PKHD1: variants seen among roughly 807,000 people sequenced by gnomAD.
PKHD1 encodes the protein fibrocystin.
In PKHD1, 291 loss-of-function variants were observed where a neutral mutation model predicts 412.0. The observed-to-expected ratio is 0.71, with a 90% CI of 0.64 to 0.78. The LOEUF is 0.78. PKHD1 is among the 30% of genes least tolerant of loss of function. The probability of loss-of-function intolerance (pLI) is 0.00; values close to 1 mark genes in which losing one functional copy is unlikely to be tolerated. For synonymous variants in PKHD1, 1,777 were observed against 1,821.5 expected (o/e 0.98, Z 0.62); for missense variants, 4,825 against 4,950.7 (o/e 0.97, Z 0.76).
chr6:51,903,569 G>C, intron 43 of PKHD1, 28 bp downstream of exon 43: 1 of 1,601,774 alleles, frequency 6.2e-7, no homozygotes, highest in Non-Finnish European at 8.5e-7. Context: ...CTCAGTTCTG[G>C]TCTTCCTGGT....
rs781485593 is a variant in PKHD1, at chr6:52,082,465, G to A, written c.208C>T (p.Pro70Ser). The change falls in exon 4 of 67, where the codon CCC (proline) becomes TCC (serine). Residue 70 changes from proline (P) to serine (S), a missense_variant. Pro to Ser is a moderately conservative substitution (Grantham distance 74). Coordinates refer to ENST00000371117, the MANE Select transcript of PKHD1 (RefSeq NM_138694.4). ...IHLVNVNMVV[P>S]ALRSVPCDVF... ...TCACAGGGAACACTCCGCAGTGCGG[G>A]CACCACCATGTTCACGTTCACCAGG... 4.3e-6 allele frequency: 7 copies of A among 1,613,974 alleles called. No individual in the cohort carries two copies. The Admixed American group carries it at 1.0e-4, about 23-fold the overall frequency.
At chr6:51,859,975 C>G (rs894867389) in intron 48 of PKHD1, among the ~76,000 whole-genome samples, 10 of 152,142 alleles carry the variant, frequency 6.6e-5, no homozygotes, top group Non-Finnish European at 1.5e-4. Context: ...CACTGTGATC[C>G]TAAATTACTT....
At chr6:51,690,271 C>CAAAAAAAAAAAA (rs70977310) in intron 60 of PKHD1, among the ~76,000 whole-genome samples, 7 of 109,918 alleles carry the variant, frequency 6.4e-5, no homozygotes, top group Non-Finnish European at 1.3e-4. Context: ...GACTCCATCT[C>CAAAAAAAAAAAA]AAAAAAAAAA....
At chr6:51,670,162 T>C (rs946854470) in intron 60 of PKHD1, among the ~76,000 whole-genome samples, 10 of 148,298 alleles carry the variant, frequency 6.7e-5, no homozygotes, top group African/African-American at 2.5e-4. Flanking sequence ...AAGTCTCCCA[T>C]TATTAATGTG....
chr6:51,711,870 C>T (rs907205875), intron 60 of PKHD1, among the ~76,000 whole-genome samples: 1 of 152,180 alleles, frequency 6.6e-6, no homozygotes. Flanking sequence ...AAATATGAGG[C>T]ATCTCCTACC....
chr6:51,746,542 T>C (rs1314118982), intron 59 of PKHD1, among the ~76,000 whole-genome samples, 179 bp downstream of exon 59: 2 of 152,106 alleles, frequency 1.3e-5, no homozygotes, highest in Non-Finnish European at 2.9e-5. Flanking sequence ...AAATCATATA[T>C]CACAAGGCGT....
chr6:52,014,788 T>A (rs1038705445), intron 34 of PKHD1, among the ~76,000 whole-genome samples: 1 of 57,916 alleles, frequency 1.7e-5, no homozygotes, highest in Non-Finnish European at 3.6e-5. Context: ...GATGGATGGA[T>A]CATGGATGGA....
intron 53 of PKHD1, among the ~76,000 whole-genome samples, chr6:51,777,949 T>C (rs1791337695): frequency 6.6e-6 from 1 of 152,088 alleles, no homozygotes; most frequent in Non-Finnish European, 1.5e-5. Flanking sequence ...GCTTCCTTTT[T>C]GTAACTGAGA....
chr6:51,950,261 G>A (rs1318539620), intron 36 of PKHD1, among the ~76,000 whole-genome samples: 1 of 134,428 alleles, frequency 7.4e-6, no homozygotes, highest in South Asian at 2.5e-4. Context: ...CACTGACTCA[G>A]AGCTGCAAAC....
In PKHD1 at chr6:52,017,552, C is replaced by T; in HGVS notation, c.5458G>A (p.Asp1820Asn). The T allele has an allele frequency of 6.2e-7, 1 of 1,614,144 alleles. No individual in the cohort carries two copies. Among genetic ancestry groups the T allele is most frequent in the South Asian group, 1.1e-5 (1 of 91,076 alleles). ...TCTGTCGCCATGGCAACTGTCAAAT[C>T]ACACTGCACATAGGTGTGTCTGGCA... ...EAARHTYVQCDLTVAMATEQL... is the reference protein window; with the variant it reads ...EAARHTYVQCNLTVAMATEQL... The change falls in exon 34 of 67, where the codon GAT becomes AAT. Residue 1820 changes from aspartate to asparagine, a missense_variant. Physicochemically the swap from Asp to Asn is conservative, Grantham distance 23. Transcript: ENST00000371117.
intron 52 of PKHD1, among the ~76,000 whole-genome samples, chr6:51,825,050 G>A (rs1767090854): frequency 6.6e-6 from 1 of 152,162 alleles, no homozygotes; most frequent in Non-Finnish European, 1.5e-5. Flanking sequence ...ATTCATGCAA[G>A]CCAACAGAGT....
At chr6:52,082,324 C>G in intron 4 of PKHD1, 68 bp downstream of exon 4, 1 of 1,530,644 alleles carries the variant, frequency 6.5e-7, no homozygotes, top group Non-Finnish European at 9.0e-7. Flanking sequence ...TAATATGTCA[C>G]CAAAAGATAC....
rs1562073392 is a variant in PKHD1 at position 51,989,956 on chromosome 6, GAAAGA to G, written c.5751+20348_5751+20352del. 2.1e-3 allele frequency among the ~76,000 whole-genome samples: 103 copies of G among 48,800 alleles called. 1 individual carries two copies. The highest frequency in any genetic ancestry group is 3.3e-3 in the Non-Finnish European group (73 of 22,456). 32.0% of individuals were successfully genotyped at this position (48,800 alleles called of 152,430 possible). On this transcript the variant is annotated intron_variant, in intron 35 of 66. Coordinates refer to ENST00000371117, the MANE Select transcript of PKHD1 (RefSeq NM_138694.4). ...GGAAAGAAGGAAGGAAGAAAGGAAG[GAAAGA>G]AGGAAGGAAGGAAGGAAGGAAGGGA...
intron 58 of PKHD1, 114 bp from the exon 59 acceptor site, chr6:51,747,003 C>A: frequency 1.5e-6 from 1 of 687,364 alleles, no homozygotes; most frequent in South Asian, 1.9e-5. Flanking sequence ...TTAGTTAAAG[C>A]TATCCAGGAT....
rs560769116 is a variant in PKHD1, at chr6:51,993,850, T to C, written c.5751+16459A>G. On this transcript the variant is annotated intron_variant, in intron 35 of 66. Transcript: ENST00000371117. The stretch of plus-strand genomic sequence containing the variant: ...TAAGATGTTAGACTGAAAAGAAACC[T>C]TCAGAGGTAAGACAGAATCAGACAG... Among the ~76,000 whole-genome samples, 10 of 152,198 alleles carry C rather than the reference T, an allele frequency of 6.6e-5. No individual in the cohort carries two copies. In the East Asian group the frequency reaches 1.7e-3, roughly 27 times the overall value.
chr6:52,031,875 C>G (rs559354897), intron 29 of PKHD1, among the ~76,000 whole-genome samples: 2 of 152,202 alleles, frequency 1.3e-5, no homozygotes, highest in Non-Finnish European at 2.9e-5. Context: ...TATGTATCAA[C>G]AACATAACTT....
intron 52 of PKHD1, among the ~76,000 whole-genome samples, chr6:51,800,958 T>C (rs563503266): frequency 2.5e-4 from 38 of 152,346 alleles, no homozygotes; most frequent in Non-Finnish European, 2.8e-4. Context: ...GGGTTTTTTT[T>C]CTACATTCAG....
intron 46 of PKHD1, among the ~76,000 whole-genome samples, chr6:51,881,075 C>CTTTTTT (rs371470393): frequency 4.5e-5 from 6 of 134,066 alleles, no homozygotes; most frequent in African/African-American, 1.1e-4. Context: ...CTTTTTCTTT[C>CTTTTTT]TTTTTTTTTT....
chr6:51,631,724 T>G (rs531727340), intron 65 of PKHD1, among the ~76,000 whole-genome samples: 1 of 152,166 alleles, frequency 6.6e-6, no homozygotes, highest in African/African-American at 2.4e-5. Context: ...CACTCTAAGA[T>G]AGAAAGAAGC....
Sources: allele counts gnomAD v4.1 joint callset (sites outside exome capture counted in the v4.1 genomes callset), GRCh38; gene constraint gnomAD v4.1.1; transcripts MANE v1.5; gene names NCBI Gene and HGNC (gene_info 2026-07-23, HGNC 2026-07-21).